The following RRM1 variants were observed in gnomAD, a reference collection of about 807,000 sequenced individuals.
RRM1 encodes the protein ribonucleoside-diphosphate reductase large subunit.
RRM1 carries 19 observed loss-of-function variants against 101.5 expected under a neutral mutation model. That is an observed-to-expected ratio of 0.19 (90% CI 0.13 to 0.27). RRM1 has a LOEUF of 0.27. Ranked by LOEUF, RRM1 falls within the 10% of genes least tolerant of loss-of-function variation. The pLI, the probability that RRM1 is intolerant of heterozygous loss-of-function variation, is 1.00. For synonymous variants in RRM1, 298 were observed against 323.4 expected (o/e 0.92, Z 0.84); for missense variants, 500 against 962.9 (o/e 0.52, Z 6.36).
intron 2 of RRM1, 79 bp from the exon 3 acceptor site, chr11:4,105,967 A>C: frequency 1.6e-6 from 2 of 1,232,606 alleles, no homozygotes; most frequent in Non-Finnish European, 2.4e-6. Flanking sequence ...CCTGGCCATG[A>C]TGGTTTTCTT....
intron 15 of RRM1, among the ~76,000 whole-genome samples, chr11:4,129,387 ATTAG>A (rs1454882982): frequency 6.6e-6 from 1 of 152,172 alleles, no homozygotes; most frequent in Non-Finnish European, 1.5e-5. Flanking sequence ...AATTACTATT[ATTAG>A]TTGATCTTAT....
Position 4,101,999 on chromosome 11 carries a change from G to T in RRM1, c.26G>T (p.Arg9Leu), listed in dbSNP as rs867302188. 6.3e-7 allele frequency: 1 copy of T among 1,575,870 alleles called. No homozygotes were observed. The highest frequency in any genetic ancestry group is 1.7e-5 in the Admixed American group (1 of 58,286). The change falls in exon 2 of 19, where the codon CGC (arginine) becomes CTC (leucine). Residue 9 changes from arginine to leucine, a missense_variant. Transcript: ENST00000300738. MHVIKRDG[R>L]QERVMFDKIT... Reference sequence around the variant, plus strand: ...ACATGATTTGATTCTTTAGATGGCCGCCAAGAACGAGTCATGTTTGACAAA... The same window carrying T: ...ACATGATTTGATTCTTTAGATGGCCTCCAAGAACGAGTCATGTTTGACAAA...
At chr11:4,115,779 A>G (rs1017803637) in intron 7 of RRM1, among the ~76,000 whole-genome samples, 2 of 151,960 alleles carry the variant, frequency 1.3e-5, no homozygotes, top group Admixed American at 6.6e-5. Flanking sequence ...CTGGTCTCGA[A>G]CTCCTGACCT....
At chr11:4,112,106 TG>T in intron 7 of RRM1, 44 bp downstream of exon 7, 6 of 1,479,374 alleles carry the variant, frequency 4.1e-6, no homozygotes, top group Non-Finnish European at 5.6e-6. Flanking sequence ...CTGAAGAAAC[TG>T]GGCAGTTAGT....
intron 15 of RRM1, among the ~76,000 whole-genome samples, chr11:4,129,879 A>G (rs1036532007): frequency 1.3e-5 from 2 of 151,660 alleles, no homozygotes; most frequent in African/African-American, 4.8e-5. Flanking sequence ...CTCAAATAAT[A>G]CATGTTAGAA....
intron 15 of RRM1, among the ~76,000 whole-genome samples, chr11:4,131,694 C>T (rs1257306394): frequency 6.6e-6 from 1 of 152,142 alleles, no homozygotes; most frequent in African/African-American, 2.4e-5. Context: ...TGTATTTTCT[C>T]TTATTAGTCA....
rs1262850058 is a variant in RRM1 at position 4,123,329 on chromosome 11, C to T, written c.1265C>T (p.Thr422Ile). 6.2e-7 allele frequency: 1 copy of T among 1,614,054 alleles called. No homozygotes were observed. The highest frequency in any genetic ancestry group is 2.2e-5 in the East Asian group (1 of 44,874). ...NRKSNQQNLG[T>I]IKCSNLCTEI... is the part of the protein sequence containing the mutation. ...AAGAGCAACCAGCAGAACCTGGGAA[C>T]CATCAAATGCAGCAACCTGTGCACA... Residue 422 changes from threonine (T) to isoleucine (I), a missense_variant, in exon 12 of 19, where the codon ACC (threonine) becomes ATC (isoleucine). Coordinates refer to ENST00000300738, the MANE Select transcript of RRM1 (RefSeq NM_001033.5).
At chr11:4,124,544 T>C (rs1264982622) in intron 12 of RRM1, among the ~76,000 whole-genome samples, 2 of 152,198 alleles carry the variant, frequency 1.3e-5, no homozygotes, top group East Asian at 1.9e-4. Flanking sequence ...AACTTCTAAT[T>C]TAGTTGGAAG....
chr11:4,112,280 TG>T (rs2094566640), intron 7 of RRM1, among the ~76,000 whole-genome samples: 1 of 152,206 alleles, frequency 6.6e-6, no homozygotes, highest in South Asian at 2.1e-4. Flanking sequence ...ATTGTGGTGA[TG>T]GTTACACAAG....
At chr11:4,095,296 G>C (rs2094542073) in intron 1 of RRM1, among the ~76,000 whole-genome samples, 1 of 148,556 alleles carries the variant, frequency 6.7e-6, no homozygotes, top group Non-Finnish European at 1.5e-5. Context: ...GTATCGAGTA[G>C]TGACTGCGTA....
intron 2 of RRM1, among the ~76,000 whole-genome samples, chr11:4,105,422 G>A (rs1302080341): frequency 1.3e-5 from 2 of 151,790 alleles, no homozygotes; most frequent in African/African-American, 4.8e-5. Context: ...GTAGGGATGG[G>A]GTCTCATTAT....
intron 15 of RRM1, among the ~76,000 whole-genome samples, chr11:4,130,934 C>CT (rs2094598967): frequency 1.3e-5 from 2 of 152,084 alleles, no homozygotes. Context: ...TGATACCTCA[C>CT]TACAAAGTGA....
At chr11:4,107,749 G>A (rs1001613381) in intron 4 of RRM1, among the ~76,000 whole-genome samples, 4 of 152,098 alleles carry the variant, frequency 2.6e-5, no homozygotes, top group African/African-American at 9.7e-5. Context: ...ACATGTGTAT[G>A]TGTGTACATA....
intron 7 of RRM1, among the ~76,000 whole-genome samples, chr11:4,115,649 C>T (rs1299536312): frequency 2.0e-5 from 3 of 152,122 alleles, no homozygotes; most frequent in East Asian, 1.9e-4. Context: ...CTCTGCCTCC[C>T]GGGTTCAAGC....
At chr11:4,105,978 A>G (rs1329080164) in intron 2 of RRM1, 68 bp from the exon 3 acceptor site, 2 of 1,375,216 alleles carry the variant, frequency 1.5e-6, no homozygotes, top group African/African-American at 2.9e-5. Context: ...TGGTTTTCTT[A>G]ATTACTCTTT....
intron 11 of RRM1, 104 bp downstream of exon 11, chr11:4,122,324 C>G: frequency 1.2e-6 from 1 of 808,568 alleles, no homozygotes; most frequent in South Asian, 2.4e-5. Flanking sequence ...TTTGAAGCAT[C>G]TAAGAGAAAA....
chr11:4,099,036 C>T (rs893065010), intron 1 of RRM1, among the ~76,000 whole-genome samples: 2 of 152,136 alleles, frequency 1.3e-5, no homozygotes, highest in Admixed American at 6.5e-5. Flanking sequence ...GGAAAAGGCA[C>T]GCATCCTTGG....
At chr11:4,113,024 G>T (rs2094567742) in intron 7 of RRM1, among the ~76,000 whole-genome samples, 1 of 151,978 alleles carries the variant, frequency 6.6e-6, no homozygotes, top group Admixed American at 6.6e-5. Context: ...TATGGGTCAA[G>T]AATGGTTCTT....
intron 12 of RRM1, 116 bp downstream of exon 12, chr11:4,123,500 A>G (rs963156222): frequency 1.2e-6 from 1 of 805,524 alleles, no homozygotes; most frequent in Non-Finnish European, 2.1e-6. Context: ...CATAGTTGTA[A>G]GCAGAAGAAC....
Sources: gnomAD v4.1 joint callset for allele counts (sites outside exome capture counted in the v4.1 genomes callset) on GRCh38, gnomAD v4.1.1 for gene constraint, MANE v1.5 for transcripts, NCBI Gene and HGNC (gene_info 2026-07-23, HGNC 2026-07-21) for gene names.